The following METTL15 variants were observed in gnomAD, a reference collection of about 807,000 sequenced individuals.
The protein encoded by METTL15 is 12S rRNA N(4)-cytidine methyltransferase METTL15.
METTL15 carries 34 observed loss-of-function variants against 38.3 expected under a neutral mutation model. The ratio of observed to expected loss-of-function variants is 0.89; its 90% CI spans 0.68 to 1.18. The LOEUF (loss-of-function observed/expected upper bound fraction) is 1.18, where lower values mean the gene tolerates loss of function less well. Among genes scored for constraint, METTL15 ranks in the 50% most tolerant of loss-of-function variants. The probability of loss-of-function intolerance (pLI) is 0.00; values close to 1 mark genes in which losing one functional copy is unlikely to be tolerated. For missense variants in METTL15, 438 were observed against 498.4 expected (o/e 0.88, Z 1.15); for synonymous variants, 162 against 170.9 (o/e 0.95, Z 0.41).
chr11:28,151,669 G>T (rs1850094801), intron 3 of METTL15, among the ~76,000 whole-genome samples: 1 of 151,882 alleles, frequency 6.6e-6, no homozygotes, highest in Admixed American at 6.6e-5. Flanking sequence ...TTTTGTAATT[G>T]TCTCTTAACT....
intron 6 of METTL15, among the ~76,000 whole-genome samples, chr11:28,518,350 G>T (rs1851736676): frequency 6.6e-6 from 1 of 152,076 alleles, no homozygotes; most frequent in African/African-American, 2.4e-5. Context: ...TAATAGGAGT[G>T]CCTGGCGCCA....
chr11:28,111,278 C>T (rs897976674), intron 2 of METTL15, among the ~76,000 whole-genome samples: 46 of 152,076 alleles, frequency 3.0e-4, no homozygotes, highest in African/African-American at 1.1e-3. Context: ...GTTTGTTTTT[C>T]CCCCGCTACT....
chr11:28,354,925 G>A (rs1850077113), intron 4 of METTL15, among the ~76,000 whole-genome samples: 1 of 152,166 alleles, frequency 6.6e-6, no homozygotes, highest in African/African-American at 2.4e-5. Flanking sequence ...CTGAGGCTGA[G>A]CAGTTTTTTA....
chr11:28,157,934 A>C (rs1357659175), intron 3 of METTL15, among the ~76,000 whole-genome samples: 1 of 152,212 alleles, frequency 6.6e-6, no homozygotes, highest in African/African-American at 2.4e-5. Context: ...GCAGCACTAC[A>C]GCCCTTTTCT....
At chr11:28,148,953 A>G (rs1849982782) in intron 3 of METTL15, among the ~76,000 whole-genome samples, 1 of 151,992 alleles carries the variant, frequency 6.6e-6, no homozygotes, top group African/African-American at 2.4e-5. Flanking sequence ...TCATAGCATA[A>G]TAATACTGCG....
intron 3 of METTL15, among the ~76,000 whole-genome samples, chr11:28,120,313 G>C (rs867317413): frequency 2.1e-5 from 3 of 146,138 alleles, no homozygotes; most frequent in Non-Finnish European, 4.5e-5. Context: ...GACTGTTGAT[G>C]TTGTGTTTTC....
intron 3 of METTL15, among the ~76,000 whole-genome samples, chr11:28,129,765 T>C (rs1468635055): frequency 6.6e-6 from 1 of 152,182 alleles, no homozygotes; most frequent in East Asian, 1.9e-4. Context: ...TTGAATTCAA[T>C]AAACATGTAT....
intron 6 of METTL15, among the ~76,000 whole-genome samples, chr11:28,518,857 C>T (rs1288180723): frequency 1.3e-5 from 2 of 152,176 alleles, no homozygotes; most frequent in Non-Finnish European, 2.9e-5. Flanking sequence ...AGGGTTTTAA[C>T]TGTGAGGCTA....
intron 6 of METTL15, among the ~76,000 whole-genome samples, chr11:28,428,341 A>G (rs1010539593): frequency 6.6e-6 from 1 of 152,298 alleles, no homozygotes; most frequent in East Asian, 1.9e-4. Context: ...ATATGATATT[A>G]TGGTCTTTTG....
intron 6 of METTL15, among the ~76,000 whole-genome samples, chr11:28,446,468 G>T (rs1197763613): frequency 6.6e-6 from 1 of 152,042 alleles, no homozygotes; most frequent in South Asian, 2.1e-4. Context: ...TCTGTGAGGC[G>T]TGAGCCCTTC....
At chr11:28,317,436 C>T (rs957396795) in intron 6 of METTL15, among the ~76,000 whole-genome samples, 1 of 151,854 alleles carries the variant, frequency 6.6e-6, no homozygotes. Flanking sequence ...ATTCAACAGC[C>T]GAATGCTGGC....
At chr11:28,390,766 A>C (rs1418245813) in intron 5 of METTL15, among the ~76,000 whole-genome samples, 1 of 152,166 alleles carries the variant, frequency 6.6e-6, no homozygotes, top group Non-Finnish European at 1.5e-5. Context: ...TTGTGTGAAG[A>C]AAGGCATTGG....
At chr11:28,524,356 G>T (rs896925803) in intron 6 of METTL15, among the ~76,000 whole-genome samples, 2 of 152,168 alleles carry the variant, frequency 1.3e-5, no homozygotes, top group Non-Finnish European at 2.9e-5. Flanking sequence ...CTGGTCTCAA[G>T]ATATCATCTA....
chr11:28,496,140 A>G (rs908052255), intron 6 of METTL15, among the ~76,000 whole-genome samples: 3 of 152,262 alleles, frequency 2.0e-5, no homozygotes, highest in Non-Finnish European at 2.9e-5. Context: ...GAGATTGGTT[A>G]ATTTACAAAA....
chr11:28,398,543 G>C (rs764063810), intron 5 of METTL15, among the ~76,000 whole-genome samples: 1 of 152,002 alleles, frequency 6.6e-6, no homozygotes, highest in African/African-American at 2.4e-5. Context: ...TTGAAAATTT[G>C]TTTAAGTTCT....
intron 3 of METTL15, chr11:28,197,349 T>A (rs965999924): frequency 1.3e-5 from 3 of 225,166 alleles, no homozygotes; most frequent in Non-Finnish European, 2.8e-5. Flanking sequence ...TAGCATAAAA[T>A]TTTTTGGAAT....
intron 3 of METTL15, among the ~76,000 whole-genome samples, chr11:28,146,909 A>C (rs752330974): frequency 9.2e-5 from 14 of 151,910 alleles, no homozygotes; most frequent in Non-Finnish European, 1.9e-4. Context: ...TTTGTTTAAA[A>C]TAAAGTATTT....
intron 4 of METTL15, among the ~76,000 whole-genome samples, chr11:28,217,248 G>A (rs878909782): frequency 4.0e-5 from 6 of 151,692 alleles, no homozygotes; most frequent in African/African-American, 4.8e-5. Context: ...TTTAATGATC[G>A]CCATTCTAAC....
intron 3 of METTL15, among the ~76,000 whole-genome samples, chr11:28,115,944 A>ACG (rs1377970680): frequency 6.6e-6 from 1 of 150,650 alleles, no homozygotes; most frequent in Non-Finnish European, 1.5e-5. Flanking sequence ...ATACACACAC[A>ACG]CACACACACA....
Sources: allele counts gnomAD v4.1 joint callset (sites outside exome capture counted in the v4.1 genomes callset), GRCh38; gene constraint gnomAD v4.1.1; transcripts MANE v1.5; gene names NCBI Gene and HGNC (gene_info 2026-07-23, HGNC 2026-07-21).